Variants in ZNF385D observed in about 807,000 individuals in gnomAD.
ZNF385D encodes the protein zinc finger protein 659.
In ZNF385D, 15 loss-of-function variants were observed where a neutral mutation model predicts 35.8. That is an observed-to-expected ratio of 0.42 (90% confidence interval 0.28 to 0.64). The LOEUF (loss-of-function observed/expected upper bound fraction) is 0.64. Among genes scored for constraint, ZNF385D ranks in the 30% least tolerant of loss-of-function variants. ZNF385D has a pLI of 0.23. For missense variants in ZNF385D, 474 were observed against 494.6 expected, an observed-to-expected ratio of 0.96 and a Z score of 0.39; for synonymous variants, 212 against 186.8, an observed-to-expected ratio of 1.13 and a Z score of -1.10.
intron 1 of ZNF385D, among the ~76,000 whole-genome samples, chr3:21,740,628 G>A (rs2069467605): frequency 1.3e-5 from 2 of 152,140 alleles, no homozygotes; most frequent in South Asian, 2.1e-4. Flanking sequence ...AGGCCCACAC[G>A]TCATGCCATA....
chr3:21,944,204 G>A (rs996311968), intron 3 of ZNF385D, among the ~76,000 whole-genome samples: 39 of 152,270 alleles, frequency 2.6e-4, no homozygotes, highest in African/African-American at 8.7e-4. Flanking sequence ...CTAATGAAAA[G>A]AGAGCAGGCT....
At chr3:21,661,799 C>G (rs2066244713) in intron 2 of ZNF385D, among the ~76,000 whole-genome samples, 1 of 152,114 alleles carries the variant, frequency 6.6e-6, no homozygotes, top group Non-Finnish European at 1.5e-5. Flanking sequence ...ACCTATAACT[C>G]AGCTCTGATT....
chr3:21,788,411 G>A (rs2071790679), intron 3 of ZNF385D, among the ~76,000 whole-genome samples: 1 of 152,190 alleles, frequency 6.6e-6, no homozygotes, highest in African/African-American at 2.4e-5. Flanking sequence ...CTGGGAGGCA[G>A]AGGTTGCAGT....
intron 3 of ZNF385D, among the ~76,000 whole-genome samples, chr3:21,864,951 A>G (rs1697257667): frequency 6.9e-6 from 1 of 145,104 alleles, no homozygotes; most frequent in Non-Finnish European, 1.5e-5. Flanking sequence ...TAGTGTGATC[A>G]TAATGGCCTG....
intron 2 of ZNF385D, among the ~76,000 whole-genome samples, chr3:21,581,443 T>C (rs539468570): frequency 1.3e-5 from 2 of 152,270 alleles, no homozygotes; most frequent in East Asian, 1.9e-4. Flanking sequence ...TGAAATAATA[T>C]GCTTATATTC....
chr3:21,669,400 T>C (rs1444675202), intron 1 of ZNF385D, among the ~76,000 whole-genome samples: 1 of 152,166 alleles, frequency 6.6e-6, no homozygotes, highest in Non-Finnish European at 1.5e-5. Context: ...AGAATAAACA[T>C]AATAAATGTT....
chr3:21,999,395 G>A (rs1695694763), intron 3 of ZNF385D, among the ~76,000 whole-genome samples: 1 of 151,892 alleles, frequency 6.6e-6, no homozygotes, highest in African/African-American at 2.4e-5. Flanking sequence ...TGTATGGGAT[G>A]ACAATATTTA....
chr3:21,448,620 A>G (rs1702281719), intron 4 of ZNF385D, among the ~76,000 whole-genome samples: 1 of 152,202 alleles, frequency 6.6e-6, no homozygotes, highest in Non-Finnish European at 1.5e-5. Context: ...TTACAGAAAG[A>G]CTGGCCACTG....
intron 2 of ZNF385D, among the ~76,000 whole-genome samples, chr3:22,328,982 C>A (rs1694806334): frequency 7.0e-6 from 1 of 143,660 alleles, no homozygotes; most frequent in South Asian, 2.2e-4. Flanking sequence ...GAGGCTGAGG[C>A]AGGAGAATGG....
intron 3 of ZNF385D, among the ~76,000 whole-genome samples, chr3:21,960,021 CCAA>C (rs1702497110): frequency 1.6e-5 from 1 of 63,892 alleles, no homozygotes; most frequent in Non-Finnish European, 3.9e-5. Context: ...AGCACAGCCT[CCAA>C]AAAAAAAAAA....
intron 3 of ZNF385D, among the ~76,000 whole-genome samples, chr3:21,832,049 C>T (rs1165485243): frequency 1.3e-5 from 2 of 149,178 alleles, no homozygotes; most frequent in Admixed American, 6.7e-5. Context: ...TAAAAATTGA[C>T]TCAATAAATT....
intron 3 of ZNF385D, among the ~76,000 whole-genome samples, chr3:21,930,098 C>T (rs918470584): frequency 6.6e-6 from 1 of 152,016 alleles, no homozygotes; most frequent in South Asian, 2.1e-4. Flanking sequence ...GGCATATGTG[C>T]AGATCAGTGG....
At chr3:22,360,266 T>C (rs2125510701) in intron 2 of ZNF385D, among the ~76,000 whole-genome samples, 1 of 152,120 alleles carries the variant, frequency 6.6e-6, no homozygotes, top group East Asian at 1.9e-4. Context: ...TACGTTCTTT[T>C]AGGCCAAACT....
intron 3 of ZNF385D, among the ~76,000 whole-genome samples, chr3:22,132,858 A>G (rs754295008): frequency 1.4e-4 from 21 of 152,130 alleles, no homozygotes; most frequent in Non-Finnish European, 1.2e-4. Flanking sequence ...AGCGCTAAAG[A>G]TATTTTAAAA....
chr3:21,864,244 C>A (rs1447210694), intron 3 of ZNF385D, among the ~76,000 whole-genome samples: 2 of 152,058 alleles, frequency 1.3e-5, no homozygotes, highest in African/African-American at 4.8e-5. Context: ...GACATTTGAT[C>A]CTTATCATGA....
At chr3:21,898,581 A>C (rs1466284742) in intron 3 of ZNF385D, among the ~76,000 whole-genome samples, 1 of 152,184 alleles carries the variant, frequency 6.6e-6, no homozygotes, top group East Asian at 1.9e-4. Context: ...CCAATTTACC[A>C]GAAGTTGTAA....
intron 2 of ZNF385D, among the ~76,000 whole-genome samples, chr3:22,329,814 ATTACT>A (rs1694852676): frequency 6.6e-6 from 1 of 152,182 alleles, no homozygotes; most frequent in Non-Finnish European, 1.5e-5. Context: ...TATACACAAT[ATTACT>A]TTAAACATAT....
intron 2 of ZNF385D, among the ~76,000 whole-genome samples, chr3:22,249,651 G>T (rs1394079768): frequency 6.6e-6 from 1 of 152,172 alleles, no homozygotes; most frequent in African/African-American, 2.4e-5. Context: ...ATATATTATA[G>T]ATAAGTCCAC....
intron 3 of ZNF385D, among the ~76,000 whole-genome samples, chr3:21,792,485 G>A (rs1038105892): frequency 6.6e-6 from 1 of 152,180 alleles, no homozygotes; most frequent in Non-Finnish European, 1.5e-5. Flanking sequence ...TGGCACAGTT[G>A]AGTATTCCGC....
Sources: gnomAD v4.1 joint callset for allele counts (sites outside exome capture counted in the v4.1 genomes callset) on GRCh38, gnomAD v4.1.1 for gene constraint, MANE v1.5 for transcripts, NCBI Gene and HGNC (gene_info 2026-07-23, HGNC 2026-07-21) for gene names.